Variants in HUNK observed in about 807,000 individuals in gnomAD.
The protein encoded by HUNK is hormonally up-regulated Neu-associated kinase.
HUNK carries 21 observed loss-of-function variants against 61.0 expected under a neutral mutation model. The ratio of observed to expected loss-of-function variants is 0.34; its 90% confidence interval spans 0.24 to 0.50. The LOEUF (loss-of-function observed/expected upper bound fraction) is 0.50, where lower values mean the gene tolerates loss of function less well. Among genes scored for constraint, HUNK ranks in the 20% least tolerant of loss-of-function variants. HUNK has a pLI of 0.98. For missense variants in HUNK, 772 were observed against 945.7 expected, an observed-to-expected ratio of 0.82 and a Z score of 2.41; for synonymous variants, 371 against 386.1, an observed-to-expected ratio of 0.96 and a Z score of 0.46.
At chr21:31,995,745 A>G (rs1182954852) in intron 9 of HUNK, 23 bp from the exon 10 acceptor site, 116 of 1,601,336 alleles carry the variant, frequency 7.2e-5, no homozygotes, top group Non-Finnish European at 9.7e-5. Flanking sequence ...GTCTAAGTGC[A>G]TATGTTTGCT....
rs763039708 is a variant in HUNK at position 31,983,545 on chromosome 21, G to T, written c.1193G>T (p.Ser398Ile). The T allele has an allele frequency of 6.2e-7, 1 of 1,613,698 alleles. No individual in the cohort carries two copies. The highest frequency in any genetic ancestry group is 2.2e-5 in the East Asian group (1 of 44,894). Residue 398 changes from serine (S) to isoleucine (I), a missense_variant, in exon 8 of 11, where the codon AGC becomes ATC. Ser to Ile is a moderately radical substitution (Grantham distance 142). Transcript: ENST00000270112. ...TGGTAGAAATCTGACATCCAGGACAGCCTCTGCTACAAGACCCGGCTCTAC... is the reference window on the plus strand; with the variant it reads ...TGGTAGAAATCTGACATCCAGGACATCCTCTGCTACAAGACCCGGCTCTAC... ...YLSGKSDIQD[S>I]LCYKTRLYQI...
chr21:31,943,398 C>T (rs1477007979), intron 3 of HUNK, among the ~76,000 whole-genome samples: 1 of 152,148 alleles, frequency 6.6e-6, no homozygotes, highest in Non-Finnish European at 1.5e-5. Flanking sequence ...ATTGAGTCGT[C>T]GTTGGTTGAT....
chr21:31,983,936 T>C (rs2053115683), intron 8 of HUNK, among the ~76,000 whole-genome samples: 3 of 152,136 alleles, frequency 2.0e-5, no homozygotes, highest in African/African-American at 7.2e-5. Context: ...GATGTTCCAA[T>C]GAGCAGCCAA....
chr21:31,873,192 C>G lies in HUNK; in HGVS notation c.-483C>G, dbSNP rs1170367091. 6.6e-6 allele frequency: 1 copy of G among 152,224 alleles called. No individual in the cohort carries two copies. The highest frequency in any genetic ancestry group is 1.9e-4 in the East Asian group (1 of 5,154). The allele number at this position is 152,224 out of a possible 1,614,324, so 9.4% of individuals were successfully genotyped here. Reference sequence around the variant, plus strand: ...CTCTCCGGCGGGAGCGGCCGCCCAGCGCACGGCTAGGAGCGATCGCGGGAG... The same window carrying G: ...CTCTCCGGCGGGAGCGGCCGCCCAGGGCACGGCTAGGAGCGATCGCGGGAG... On this transcript the variant is annotated 5_prime_UTR_variant, in exon 1 of 11. Coordinates refer to ENST00000270112, the MANE Select transcript of HUNK (RefSeq NM_014586.2). The surrounding 1 kb of genome is among the most constrained non-coding windows in gnomAD (Gnocchi z 6.1).
Position 31,935,411 on chromosome 21 carries a change from G to A in HUNK, c.555-4754G>A, listed in dbSNP as rs150788673. On this transcript the variant is annotated intron_variant, in intron 2 of 10. Coordinates refer to ENST00000270112, the MANE Select transcript of HUNK (RefSeq NM_014586.2). ...TGGATGAACCAGCATGGATACAGTC[G>A]TATTAACTAAGGTCTGAGTTTACCT... is the stretch of plus-strand genomic sequence containing the variant. Among the ~76,000 whole-genome samples, 14 of 152,270 alleles carry A rather than the reference G, an allele frequency of 9.2e-5. No individual in the cohort carries two copies. The East Asian group carries it at 1.9e-3, about 21-fold the overall frequency.
intron 1 of HUNK, among the ~76,000 whole-genome samples, chr21:31,900,884 G>A (rs1322077717): frequency 6.6e-6 from 1 of 152,098 alleles, no homozygotes; most frequent in Admixed American, 6.6e-5. Flanking sequence ...TAGAACAACG[G>A]AAACTGTCTC....
chr21:31,940,823 G>A (rs556107681), intron 3 of HUNK, among the ~76,000 whole-genome samples: 4 of 152,270 alleles, frequency 2.6e-5, no homozygotes, highest in South Asian at 2.1e-4. Context: ...CTCTGTGGTC[G>A]CTCTGGGCAG....
At chr21:31,962,721 C>T (rs2052937441) in intron 5 of HUNK, among the ~76,000 whole-genome samples, 2 of 152,228 alleles carry the variant, frequency 1.3e-5, no homozygotes, top group African/African-American at 4.8e-5. Context: ...GATGCTCTCC[C>T]CATCTCCTCC....
At chr21:31,944,727 C>G (rs1374845021) in intron 3 of HUNK, among the ~76,000 whole-genome samples, 2 of 152,098 alleles carry the variant, frequency 1.3e-5, no homozygotes, top group Non-Finnish European at 2.9e-5. Flanking sequence ...ATGCAGCATG[C>G]CTGGTTGGTT....
chr21:31,996,156 A>G (rs2053204342), intron 10 of HUNK, among the ~76,000 whole-genome samples: 1 of 152,366 alleles, frequency 6.6e-6, no homozygotes, highest in East Asian at 1.9e-4. Flanking sequence ...AGAATTTGAG[A>G]AAACAGAGAT....
chr21:31,936,931 A>G (rs1274020739), intron 2 of HUNK, among the ~76,000 whole-genome samples: 1 of 152,046 alleles, frequency 6.6e-6, no homozygotes, highest in Non-Finnish European at 1.5e-5. Flanking sequence ...TTCTCCTTTA[A>G]TGCCTTAGAG....
intron 1 of HUNK, among the ~76,000 whole-genome samples, chr21:31,911,705 C>A (rs2052546795): frequency 6.6e-6 from 1 of 151,878 alleles, no homozygotes; most frequent in Admixed American, 6.6e-5. Flanking sequence ...CCAAGGGGAC[C>A]ACCCAGAATT....
intron 1 of HUNK, among the ~76,000 whole-genome samples, chr21:31,897,559 C>A (rs185984924): frequency 6.6e-6 from 1 of 152,330 alleles, no homozygotes; most frequent in African/African-American, 2.4e-5. Context: ...ATGACCTCAT[C>A]TTAACTGGAT....
intron 1 of HUNK, among the ~76,000 whole-genome samples, chr21:31,894,805 A>C (rs1384132947): frequency 6.6e-6 from 1 of 152,188 alleles, no homozygotes; most frequent in Non-Finnish European, 1.5e-5. Context: ...CAGAGTTGGC[A>C]AGCCAAGTGG....
At chr21:31,877,668 A>G (rs1338541292) in intron 1 of HUNK, among the ~76,000 whole-genome samples, 1 of 152,194 alleles carries the variant, frequency 6.6e-6, no homozygotes, top group Non-Finnish European at 1.5e-5. Context: ...TGATGATTAG[A>G]CCAGGGAAAA....
intron 6 of HUNK, 91 bp downstream of exon 6, chr21:31,968,476 T>C (rs2052984013): frequency 6.7e-7 from 1 of 1,495,796 alleles, no homozygotes; most frequent in African/African-American, 1.4e-5. Context: ...TGTCCGTGAT[T>C]GAAGGAAAAG....
At chr21:31,968,126 G>T in intron 5 of HUNK, 124 bp from the exon 6 acceptor site, 1 of 1,158,734 alleles carries the variant, frequency 8.6e-7, no homozygotes, top group Non-Finnish European at 1.2e-6. Context: ...ACCTAGAGAA[G>T]AGATCACCCC....
At chr21:31,892,190 G>T (rs1057241235) in intron 1 of HUNK, among the ~76,000 whole-genome samples, 226 of 137,054 alleles carry the variant, frequency 1.6e-3, no homozygotes, top group African/African-American at 5.2e-3. Context: ...TAGAGAGAGA[G>T]AGAGAGAGAG....
At chr21:31,930,604 A>G (rs931886360) in intron 2 of HUNK, among the ~76,000 whole-genome samples, 1 of 152,196 alleles carries the variant, frequency 6.6e-6, no homozygotes, top group African/African-American at 2.4e-5. Flanking sequence ...ACTTTTCTCT[A>G]TCTGCCTTCT....
Sources: allele counts gnomAD v4.1 joint callset (sites outside exome capture counted in the v4.1 genomes callset), GRCh38; gene constraint gnomAD v4.1.1; non-coding constraint Gnocchi (gnomAD v3.1); transcripts MANE v1.5; gene names NCBI Gene and HGNC (gene_info 2026-07-23, HGNC 2026-07-21).